Variants in MGMT observed in about 807,000 individuals in gnomAD.
MGMT encodes the protein methylated-DNA--protein-cysteine methyltransferase.
A neutral mutation model predicts 15.9 loss-of-function variants in MGMT; 14 were observed. That is an observed-to-expected ratio of 0.88 (90% CI 0.58 to 1.37). The LOEUF is 1.37. MGMT is among the 40% of genes most tolerant of loss of function. The pLI is 0.00. For missense variants in MGMT, 282 were observed against 268.1 expected (o/e 1.05, Z -0.36); for synonymous variants, 130 against 118.2 (o/e 1.10, Z -0.65).
chr10:129,637,274 C>T (rs187628527), intron 2 of MGMT, among the ~76,000 whole-genome samples: 14 of 152,296 alleles, frequency 9.2e-5, no homozygotes, highest in African/African-American at 3.4e-4. Flanking sequence ...GGTGTAAGTG[C>T]AGATGGGCCC....
At chr10:129,758,562 G>A (rs746350624) in intron 3 of MGMT, among the ~76,000 whole-genome samples, 12 of 152,160 alleles carry the variant, frequency 7.9e-5, no homozygotes, top group Admixed American at 2.0e-4. Flanking sequence ...AGCAGGATGC[G>A]GCACAAATGC....
intron 2 of MGMT, among the ~76,000 whole-genome samples, chr10:129,587,493 CTTTTTCTT>C (rs912549170): frequency 2.0e-5 from 3 of 149,296 alleles, no homozygotes; most frequent in African/African-American, 7.4e-5. Flanking sequence ...CTTAATTTTT[CTTTTTCTT>C]TTTTTTTGAG....
chr10:129,496,712 C>G (rs903664264), intron 1 of MGMT, among the ~76,000 whole-genome samples: 15 of 152,166 alleles, frequency 9.9e-5, no homozygotes, highest in African/African-American at 3.1e-4. Context: ...GAAAAAAATA[C>G]AGAGAGAAAT....
chr10:129,679,319 G>A (rs894333708), intron 2 of MGMT, among the ~76,000 whole-genome samples: 3 of 151,762 alleles, frequency 2.0e-5, no homozygotes, highest in Non-Finnish European at 2.9e-5. Flanking sequence ...GGGACCCTGC[G>A]GGCTTCCAGA....
In MGMT at chr10:129,711,086, C is replaced by A. The variant is rs560735203; in HGVS notation, c.274+3043C>A. ...CTGGCTGGTAAAACTTCTGACTGCGCAGTACCAAGCCCTCATCCCTTCCTC... is the reference window on the plus strand; with the variant it reads ...CTGGCTGGTAAAACTTCTGACTGCGAAGTACCAAGCCCTCATCCCTTCCTC... On this transcript the variant is annotated intron_variant, in intron 3 of 4. Transcript: ENST00000651593. Among the ~76,000 whole-genome samples, 9 of 152,242 alleles carry A rather than the reference C, an allele frequency of 5.9e-5. No homozygotes were observed. In the South Asian group the frequency reaches 1.9e-3, roughly 32 times the overall value.
At chr10:129,739,261 C>G (rs190038708) in intron 3 of MGMT, among the ~76,000 whole-genome samples, 1 of 152,300 alleles carries the variant, frequency 6.6e-6, no homozygotes, top group Non-Finnish European at 1.5e-5. Flanking sequence ...GATGCAGTCT[C>G]TCACCACTCC....
chr10:129,668,194 A>G (rs965952471), intron 2 of MGMT, among the ~76,000 whole-genome samples: 1 of 152,176 alleles, frequency 6.6e-6, no homozygotes, highest in African/African-American at 2.4e-5. Context: ...TTTATAGACC[A>G]TAGGTTGGCA....
At chr10:129,744,654 G>A (rs911892985) in intron 3 of MGMT, among the ~76,000 whole-genome samples, 16 of 152,192 alleles carry the variant, frequency 1.1e-4, no homozygotes, top group East Asian at 7.7e-4. Context: ...TGCGTGCCAC[G>A]GAGAGCCAGC....
At chr10:129,706,138 C>T (rs558647797) in intron 2 of MGMT, among the ~76,000 whole-genome samples, 2 of 152,308 alleles carry the variant, frequency 1.3e-5, no homozygotes, top group East Asian at 1.9e-4. Context: ...GTGCCCTTCC[C>T]GCCCTGACAC....
At chr10:129,646,744 A>ATTTT (rs1448953343) in intron 2 of MGMT, among the ~76,000 whole-genome samples, 1 of 79,262 alleles carries the variant, frequency 1.3e-5, no homozygotes, top group Non-Finnish European at 2.8e-5. Context: ...ATATATATAT[A>ATTTT]TATATATATA....
At chr10:129,737,321 T>C (rs1332501133) in intron 3 of MGMT, among the ~76,000 whole-genome samples, 3 of 152,232 alleles carry the variant, frequency 2.0e-5, no homozygotes, top group African/African-American at 7.2e-5. Context: ...CCATCGCTGA[T>C]ACCCTTTCTT....
intron 3 of MGMT, among the ~76,000 whole-genome samples, chr10:129,732,548 G>A (rs1371686878): frequency 6.7e-6 from 1 of 150,178 alleles, no homozygotes; most frequent in East Asian, 2.0e-4. Flanking sequence ...TTTTTTTTTG[G>A]CATTTTTTTT....
At chr10:129,698,554 G>A (rs1025257179) in intron 2 of MGMT, among the ~76,000 whole-genome samples, 1 of 152,170 alleles carries the variant, frequency 6.6e-6, no homozygotes, top group African/African-American at 2.4e-5. Context: ...AGAAGAACGT[G>A]CCCTCATGTG....
At chr10:129,688,928 TG>T (rs1420573742) in intron 2 of MGMT, among the ~76,000 whole-genome samples, 3 of 151,958 alleles carry the variant, frequency 2.0e-5, no homozygotes, top group African/African-American at 7.3e-5. Context: ...TTTATGGGTT[TG>T]TTTTTTTTTT....
chr10:129,534,721 G>A (rs1172674900), intron 1 of MGMT, among the ~76,000 whole-genome samples: 1 of 151,786 alleles, frequency 6.6e-6, no homozygotes, highest in Non-Finnish European at 1.5e-5. Flanking sequence ...CAGCGGACAA[G>A]CAGGGAGGGG....
chr10:129,469,225 CCTTT>C (rs1845203794), intron 1 of MGMT, among the ~76,000 whole-genome samples: 1 of 152,146 alleles, frequency 6.6e-6, no homozygotes, highest in South Asian at 2.1e-4. Flanking sequence ...CTCTTCCCAC[CCTTT>C]CTTAGGACAC....
At chr10:129,726,889 A>G (rs903892970) in intron 3 of MGMT, among the ~76,000 whole-genome samples, 1 of 152,278 alleles carries the variant, frequency 6.6e-6, no homozygotes, top group South Asian at 2.1e-4. Context: ...TTACTGTTTA[A>G]AGTCCATCTG....
At chr10:129,597,787 A>G (rs568088766) in intron 2 of MGMT, among the ~76,000 whole-genome samples, 116 of 152,318 alleles carry the variant, frequency 7.6e-4, no homozygotes, top group Non-Finnish European at 9.4e-4. Flanking sequence ...AAAGTGTGAC[A>G]TACTTCCTAT....
intron 2 of MGMT, among the ~76,000 whole-genome samples, chr10:129,584,317 G>T (rs1271798350): frequency 1.3e-5 from 2 of 152,198 alleles, no homozygotes; most frequent in African/African-American, 2.4e-5. Context: ...GAATTGCTTG[G>T]CCTGTCCATG....
Sources: allele counts gnomAD v4.1 joint callset (sites outside exome capture counted in the v4.1 genomes callset), GRCh38; gene constraint gnomAD v4.1.1; transcripts MANE v1.5; gene names NCBI Gene and HGNC (gene_info 2026-07-23, HGNC 2026-07-21).